GRIA4: variants seen among roughly 807,000 people sequenced by gnomAD.
GRIA4 encodes the protein glutamate receptor 4.
Under a neutral mutation model 104.0 loss-of-function variants are expected in GRIA4, and 34 were observed. The ratio of observed to expected loss-of-function variants is 0.33; its 90% CI spans 0.25 to 0.44. The LOEUF (loss-of-function observed/expected upper bound fraction) is 0.44, where lower values mean the gene tolerates loss of function less well. Ranked by LOEUF, GRIA4 falls within the 20% of genes least tolerant of loss-of-function variation. The pLI is 1.00. For synonymous variants in GRIA4, 386 were observed against 381.9 expected, an observed-to-expected ratio of 1.01 and a Z score of -0.13; for missense variants, 750 against 1,096.5, an observed-to-expected ratio of 0.68 and a Z score of 4.46.
intron 3 of GRIA4, among the ~76,000 whole-genome samples, chr11:105,692,927 A>T (rs1276894585): frequency 6.6e-6 from 1 of 152,206 alleles, no homozygotes; most frequent in Non-Finnish European, 1.5e-5. Flanking sequence ...ATTTTGGCAT[A>T]CATTGTGCTT....
chr11:105,688,200 G>A (rs1198578676), intron 3 of GRIA4, among the ~76,000 whole-genome samples: 1 of 129,672 alleles, frequency 7.7e-6, no homozygotes, highest in African/African-American at 2.9e-5. Flanking sequence ...TTATCTATAT[G>A]CTAACTGGCA....
At chr11:105,688,656 C>A (rs1201653823) in intron 3 of GRIA4, among the ~76,000 whole-genome samples, 1 of 152,078 alleles carries the variant, frequency 6.6e-6, no homozygotes, top group Non-Finnish European at 1.5e-5. Context: ...TAATATGCAA[C>A]AGAATTGTGT....
In GRIA4 at chr11:105,862,028, C is replaced by T. The variant is rs1945243809; in HGVS notation, c.492C>T (p.Tyr164=). 4 of 1,603,108 alleles carry T rather than the reference C, an allele frequency of 2.5e-6. No individual in the cohort carries two copies. The highest frequency in any genetic ancestry group is 1.7e-5 in the Admixed American group (1 of 59,568). ...AACTTTTTTTTTCCCCAATAGGATACTCGATACTCCAAGCTATTATGGAAA... is the reference window on the plus strand; with the variant it reads ...AACTTTTTTTTTCCCCAATAGGATATTCGATACTCCAAGCTATTATGGAAA... ...FVFLYDTDRG[Y]SILQAIMEKA... Residue 164 remains tyrosine, a synonymous_variant, in exon 5 of 17, where the codon TAC becomes TAT. Coordinates refer to ENST00000282499, the MANE Select transcript of GRIA4 (RefSeq NM_000829.4).
chr11:105,717,128 T>G (rs993819389), intron 3 of GRIA4, among the ~76,000 whole-genome samples: 81 of 152,190 alleles, frequency 5.3e-4, no homozygotes, highest in African/African-American at 1.8e-3. Context: ...TAACATTATC[T>G]TCATCTCCAT....
At chr11:105,646,205 G>T (rs757116662) in intron 3 of GRIA4, among the ~76,000 whole-genome samples, 1 of 152,148 alleles carries the variant, frequency 6.6e-6, no homozygotes, top group Non-Finnish European at 1.5e-5. Context: ...AGTAGTACTA[G>T]AAAATGTATT....
At chr11:105,750,173 T>C (rs1251361698) in intron 3 of GRIA4, among the ~76,000 whole-genome samples, 1 of 152,112 alleles carries the variant, frequency 6.6e-6, no homozygotes, top group African/African-American at 2.4e-5. Context: ...ATACTATATA[T>C]GGAAATAACT....
intron 4 of GRIA4, among the ~76,000 whole-genome samples, chr11:105,809,444 A>G (rs1943085014): frequency 6.6e-6 from 1 of 152,152 alleles, no homozygotes; most frequent in African/African-American, 2.4e-5. Flanking sequence ...TGCTACTAAT[A>G]TGGTTTGGCT....
At position 105,749,091 on chromosome 11, in the gene GRIA4, G is replaced by C. The variant is rs534819413; in HGVS notation, c.248-3890G>C. Reference sequence around the variant, plus strand: ...GTTCAAGGACACTAAGAAACGCCAAGAGAGAGCATAGTTGTGGTGTTAGGA... The same window carrying C: ...GTTCAAGGACACTAAGAAACGCCAACAGAGAGCATAGTTGTGGTGTTAGGA... On this transcript the variant is annotated intron_variant, in intron 3 of 16. Coordinates refer to ENST00000282499, the MANE Select transcript of GRIA4 (RefSeq NM_000829.4). Among the ~76,000 whole-genome samples the C allele has an allele frequency of 1.2e-4, 18 of 152,314 alleles. No individual in the cohort carries two copies. The South Asian group carries it at 3.5e-3, about 30-fold the overall frequency.
intron 10 of GRIA4, 109 bp downstream of exon 10, chr11:105,910,654 T>A (rs1947203382): frequency 1.1e-5 from 7 of 645,680 alleles, no homozygotes; most frequent in Non-Finnish European, 1.1e-5. Flanking sequence ...AATGGTGACA[T>A]GGGTGTTCTG....
chr11:105,764,015 C>T (rs906438655), intron 4 of GRIA4, among the ~76,000 whole-genome samples: 1 of 152,198 alleles, frequency 6.6e-6, no homozygotes, highest in African/African-American at 2.4e-5. Flanking sequence ...AATACCCAAA[C>T]ACAATCTTGA....
intron 4 of GRIA4, among the ~76,000 whole-genome samples, chr11:105,791,204 G>A (rs544303455): frequency 2.3e-4 from 35 of 152,264 alleles, no homozygotes; most frequent in South Asian, 6.2e-4. Flanking sequence ...CAGCAACAAC[G>A]AAAAGTAGAA....
At position 105,631,979 on chromosome 11, in the gene GRIA4, C is replaced by T. The variant is rs528584558; in HGVS notation, c.247+19545C>T. ...TAAGCTACAAAAAGGGATGAGGTGG[C>T]ACAGGAAAGCATCTCATTGGATATG... On this transcript the variant is annotated intron_variant, in intron 3 of 16. Transcript: ENST00000282499. 3.3e-5 allele frequency among the ~76,000 whole-genome samples: 5 copies of T among 152,118 alleles called. No homozygotes were observed. The South Asian group carries it at 8.3e-4, about 25-fold the overall frequency.
intron 3 of GRIA4, among the ~76,000 whole-genome samples, chr11:105,742,048 G>A (rs1390468002): frequency 3.3e-5 from 5 of 152,130 alleles, no homozygotes. Flanking sequence ...TATTCATTCA[G>A]TAGGGTTTTA....
chr11:105,727,732 A>G (rs998559132), intron 3 of GRIA4, among the ~76,000 whole-genome samples: 2 of 152,176 alleles, frequency 1.3e-5, no homozygotes, highest in African/African-American at 4.8e-5. Flanking sequence ...CAACATTCCT[A>G]AAGAAAAAAA....
At chr11:105,784,020 A>G (rs1941848205) in intron 4 of GRIA4, among the ~76,000 whole-genome samples, 1 of 152,160 alleles carries the variant, frequency 6.6e-6, no homozygotes. Flanking sequence ...TGCTTCCTCT[A>G]CATATGTAGC....
At chr11:105,789,134 C>G (rs78347934) in intron 4 of GRIA4, among the ~76,000 whole-genome samples, 4,580 of 151,944 alleles carry the variant, frequency 0.03, 137 homozygotes, top group African/African-American at 0.077. Flanking sequence ...TTTTTTGGAA[C>G]AGAGAACATA....
chr11:105,782,188 G>C (rs185036398), intron 4 of GRIA4, among the ~76,000 whole-genome samples: 1 of 152,250 alleles, frequency 6.6e-6, no homozygotes, highest in East Asian at 1.9e-4. Context: ...TCTAGCCTGT[G>C]CCTCATTCCC....
intron 4 of GRIA4, among the ~76,000 whole-genome samples, chr11:105,778,522 T>C (rs1488060649): frequency 6.6e-6 from 1 of 152,142 alleles, no homozygotes; most frequent in Non-Finnish European, 1.5e-5. Context: ...CTGACCAACA[T>C]GGTGAAACCC....
chr11:105,894,020 T>A (rs1005624406), intron 6 of GRIA4, among the ~76,000 whole-genome samples: 2 of 152,150 alleles, frequency 1.3e-5, no homozygotes, highest in African/African-American at 4.8e-5. Flanking sequence ...AGGCATGAAA[T>A]AAATATCTGT....
Sources: allele counts gnomAD v4.1 joint callset (sites outside exome capture counted in the v4.1 genomes callset), GRCh38; gene constraint gnomAD v4.1.1; transcripts MANE v1.5; gene names NCBI Gene and HGNC (gene_info 2026-07-23, HGNC 2026-07-21).